Variants in XKR6 observed in about 807,000 individuals in gnomAD.
XKR6 encodes XK-related protein 6.
Under a neutral mutation model 56.7 loss-of-function variants are expected in XKR6, and 22 were observed. The ratio of observed to expected loss-of-function variants is 0.39; its 90% CI spans 0.28 to 0.55. The LOEUF is 0.55. XKR6 is among the 20% of genes least tolerant of loss of function. The pLI is 0.66. For synonymous variants in XKR6, 524 were observed against 387.8 expected (o/e 1.35, Z -4.13); for missense variants, 852 against 889.0 (o/e 0.96, Z 0.53).
At chr8:11,181,442 T>G (rs998699996) in intron 1 of XKR6, among the ~76,000 whole-genome samples, 3 of 152,226 alleles carry the variant, frequency 2.0e-5, no homozygotes, top group African/African-American at 7.2e-5. Context: ...AACCTAAAAC[T>G]AGATTACAAA....
At chr8:11,099,771 G>A (rs1384349957) in intron 1 of XKR6, among the ~76,000 whole-genome samples, 3 of 152,196 alleles carry the variant, frequency 2.0e-5, no homozygotes, top group South Asian at 2.1e-4. Flanking sequence ...ATATTTAGCG[G>A]AGGAGACAAA....
At position 11,042,233 on chromosome 8, in the gene XKR6, CTT is replaced by C. The variant is rs112524909; in HGVS notation, c.765-117405_765-117404del. Reference sequence around the variant, plus strand: ...TTGGGACCAGAAGTGTTTAGGATTCCTTTTTTTTTTTTTTATCTTGAAATATT... The same window carrying C: ...TTGGGACCAGAAGTGTTTAGGATTCCTTTTTTTTTTTTATCTTGAAATATT... On this transcript the variant is annotated intron_variant, in intron 1 of 2. Transcript: ENST00000416569. Among the ~76,000 whole-genome samples, 62 of 144,066 alleles carry C rather than the reference CTT, an allele frequency of 4.3e-4. 1 individual carries two copies. In the Middle Eastern group the frequency reaches 0.015, roughly 34 times the overall value. 94.5% of individuals were successfully genotyped at this position (144,066 alleles called of 152,430 possible).
intron 1 of XKR6, among the ~76,000 whole-genome samples, chr8:11,096,114 T>C (rs1341842151): frequency 6.6e-6 from 1 of 152,246 alleles, no homozygotes; most frequent in Non-Finnish European, 1.5e-5. Flanking sequence ...TAATAATTCA[T>C]CCAACAGATA....
intron 1 of XKR6, among the ~76,000 whole-genome samples, chr8:10,942,620 G>A (rs530576848): frequency 2.6e-5 from 4 of 152,306 alleles, no homozygotes; most frequent in South Asian, 2.1e-4. Flanking sequence ...CTCAAATTAC[G>A]AAGTAAGCAC....
chr8:11,148,071 G>A lies in XKR6; in HGVS notation c.764+52505C>T, dbSNP rs186364558. The stretch of plus-strand genomic sequence containing the variant: ...CTAAAAATACAAAAATTAGCTGGGC[G>A]TGGTGGCATGCACCTGTAGTCCCAG... On this transcript the variant is annotated intron_variant, in intron 1 of 2. Transcript: ENST00000416569. Among the ~76,000 whole-genome samples the A allele has an allele frequency of 9.0e-4, 137 of 152,156 alleles. 1 individual carries two copies. The highest frequency in any genetic ancestry group is 2.7e-3 in the African/African-American group (113 of 41,522).
intron 1 of XKR6, among the ~76,000 whole-genome samples, chr8:11,067,992 A>C (rs2129166137): frequency 6.6e-6 from 1 of 152,154 alleles, no homozygotes; most frequent in Non-Finnish European, 1.5e-5. Flanking sequence ...TTGCTCGTCC[A>C]CCTCTCCTGC....
chr8:11,032,738 G>A (rs972774624), intron 1 of XKR6, among the ~76,000 whole-genome samples: 3 of 152,132 alleles, frequency 2.0e-5, no homozygotes, highest in African/African-American at 4.8e-5. Flanking sequence ...CTGCTCCAGG[G>A]CATGGTCAAA....
intron 1 of XKR6, among the ~76,000 whole-genome samples, chr8:11,187,330 A>G (rs1405268513): frequency 6.6e-6 from 1 of 152,222 alleles, no homozygotes; most frequent in Non-Finnish European, 1.5e-5. Flanking sequence ...CTTAACCTTG[A>G]AACACTATAG....
At chr8:11,084,070 C>G (rs1053780902) in intron 1 of XKR6, among the ~76,000 whole-genome samples, 1 of 152,260 alleles carries the variant, frequency 6.6e-6, no homozygotes, top group Non-Finnish European at 1.5e-5. Flanking sequence ...CATCCACAAC[C>G]GCATGGCTTT....
chr8:11,042,907 T>G (rs560285287), intron 1 of XKR6, among the ~76,000 whole-genome samples: 27 of 152,250 alleles, frequency 1.8e-4, no homozygotes, highest in African/African-American at 6.5e-4. Context: ...CTCCCTGCAC[T>G]CCTCTTCCTG....
At chr8:10,945,186 A>T (rs1041564590) in intron 1 of XKR6, among the ~76,000 whole-genome samples, 7 of 152,184 alleles carry the variant, frequency 4.6e-5, no homozygotes, top group African/African-American at 1.7e-4. Flanking sequence ...AAACTTGATT[A>T]AAAAGGCCAA....
chr8:11,018,463 G>A lies in XKR6; in HGVS notation c.765-93633C>T, dbSNP rs546331801. 6.6e-5 allele frequency among the ~76,000 whole-genome samples: 10 copies of A among 152,254 alleles called. No homozygotes were observed. In the South Asian group the frequency reaches 2.1e-3, roughly 32 times the overall value. On this transcript the variant is annotated intron_variant, in intron 1 of 2. Transcript: ENST00000416569. ...CCAGATGACAGATACCTCCACCACC[G>A]GGCCTCCAGGCTAGCACTTCCCTCC... is the stretch of plus-strand genomic sequence containing the variant.
At chr8:10,904,013 C>T (rs1230166779) in intron 2 of XKR6, among the ~76,000 whole-genome samples, 5 of 152,214 alleles carry the variant, frequency 3.3e-5, no homozygotes, top group African/African-American at 9.6e-5. Flanking sequence ...ACACAGGAAC[C>T]GGCCGTGGAA....
chr8:11,110,444 G>A lies in XKR6; in HGVS notation c.764+90132C>T, dbSNP rs147168643. On this transcript the variant is annotated intron_variant, in intron 1 of 2. Transcript: ENST00000416569. ...AAAACTTCTGCTATACACTAGTTTC[G>A]GAAATACTGGATAATCCACCAACCA... Among the ~76,000 whole-genome samples, 217 of 152,240 alleles carry A rather than the reference G, an allele frequency of 1.4e-3. 1 individual carries two copies. The highest frequency in any genetic ancestry group is 4.3e-3 in the African/African-American group (177 of 41,542).
chr8:11,171,401 G>A (rs1468800960), intron 1 of XKR6, among the ~76,000 whole-genome samples: 2 of 152,226 alleles, frequency 1.3e-5, no homozygotes, highest in Admixed American at 1.3e-4. Flanking sequence ...ATGCTATAGA[G>A]TTTGGATATT....
intron 1 of XKR6, among the ~76,000 whole-genome samples, chr8:10,998,855 G>A (rs1418248565): frequency 1.3e-5 from 2 of 152,190 alleles, no homozygotes; most frequent in African/African-American, 4.8e-5. Context: ...AAGCAGCATG[G>A]CAGCAAGGGA....
intron 1 of XKR6, among the ~76,000 whole-genome samples, chr8:11,066,534 A>G (rs1314463470): frequency 6.6e-6 from 1 of 152,172 alleles, no homozygotes; most frequent in African/African-American, 2.4e-5. Context: ...CATTTATCCA[A>G]TAGAGACGTC....
At chr8:10,975,969 T>C (rs1802543098) in intron 1 of XKR6, among the ~76,000 whole-genome samples, 1 of 151,674 alleles carries the variant, frequency 6.6e-6, no homozygotes, top group Non-Finnish European at 1.5e-5. Flanking sequence ...GATCAGGAGA[T>C]CGAGACCATA....
intron 1 of XKR6, among the ~76,000 whole-genome samples, chr8:11,123,054 T>A (rs1037242071): frequency 4.6e-5 from 7 of 152,054 alleles, no homozygotes; most frequent in Non-Finnish European, 1.0e-4. Flanking sequence ...CCGGCCAACA[T>A]GGTGAAACCT....
Sources: allele counts gnomAD v4.1 joint callset (sites outside exome capture counted in the v4.1 genomes callset), GRCh38; gene constraint gnomAD v4.1.1; transcripts MANE v1.5; gene names NCBI Gene and HGNC (gene_info 2026-07-23, HGNC 2026-07-21).